Variants in CIT observed in about 807,000 individuals in gnomAD.
The protein encoded by CIT is citron Rho-interacting kinase.
A neutral mutation model predicts 272.7 loss-of-function variants in CIT; 79 were observed. That is an observed-to-expected ratio of 0.29 (90% CI 0.24 to 0.35). The LOEUF is 0.35. Among genes scored for constraint, CIT ranks in the 10% least tolerant of loss-of-function variants. The pLI is 1.00. For missense variants in CIT, 1,909 were observed against 2,618.3 expected (o/e 0.73, Z 5.91); for synonymous variants, 948 against 995.6 (o/e 0.95, Z 0.90).
intron 12 of CIT, 136 bp from the exon 13 acceptor site, chr12:119,782,773 G>A: frequency 9.3e-7 from 1 of 1,070,246 alleles, no homozygotes. Context: ...ACAACTTCCA[G>A]TTGGTTGCCG....
At chr12:119,838,676 A>G (rs1969194439) in intron 5 of CIT, among the ~76,000 whole-genome samples, 1 of 152,228 alleles carries the variant, frequency 6.6e-6, no homozygotes, top group African/African-American at 2.4e-5. Context: ...ACTTTCATAT[A>G]GCCATCACCT....
intron 9 of CIT, among the ~76,000 whole-genome samples, chr12:119,806,566 A>G (rs570124401): frequency 6.6e-6 from 1 of 152,290 alleles, no homozygotes; most frequent in Non-Finnish European, 1.5e-5. Context: ...GCAAGTGGAG[A>G]ACAACTTGTA....
rs549022136 is a variant in CIT at position 119,692,908 on chromosome 12, A to C, written c.5883-2454T>G. 2.0e-5 allele frequency among the ~76,000 whole-genome samples: 3 copies of C among 152,360 alleles called. No individual in the cohort carries two copies. In the East Asian group the frequency reaches 5.8e-4, roughly 29 times the overall value. On this transcript the variant is annotated intron_variant, in intron 46 of 47. Transcript: ENST00000392521. ...GATTTAAGATAACTCAGATTTCAACATCTTGAAATCAAGGTTTATATTCAT... is the reference window on the plus strand; with the variant it reads ...GATTTAAGATAACTCAGATTTCAACCTCTTGAAATCAAGGTTTATATTCAT...
At chr12:119,853,391 G>C (rs1041047292) in intron 4 of CIT, among the ~76,000 whole-genome samples, 1 of 151,242 alleles carries the variant, frequency 6.6e-6, no homozygotes, top group Non-Finnish European at 1.5e-5. Flanking sequence ...AAATTGTTTA[G>C]GTTATTGTTA....
intron 25 of CIT, 68 bp from the exon 26 acceptor site, chr12:119,734,425 G>T: frequency 1.3e-6 from 2 of 1,535,992 alleles, no homozygotes; most frequent in South Asian, 1.1e-5. Flanking sequence ...TACTTTGGTC[G>T]GGTCAGTTTC....
chr12:119,745,374 C>CAAAAAAAAAAAAAAAAAAAAAAAAGAA (rs757825062), intron 23 of CIT, among the ~76,000 whole-genome samples: 1 of 7,012 alleles, frequency 1.4e-4, no homozygotes, highest in Non-Finnish European at 2.9e-4. Flanking sequence ...AAGAAACAAG[C>CAAAAAAAAAAAAAAAAAAAAAAAAGAA]AAAAAAAAAA....
chr12:119,794,474 A>C (rs978157301), intron 10 of CIT, among the ~76,000 whole-genome samples: 1 of 152,210 alleles, frequency 6.6e-6, no homozygotes, highest in Non-Finnish European at 1.5e-5. Flanking sequence ...GGAATGGCAC[A>C]ATGACACACA....
At chr12:119,756,253 G>T (rs1411644912) in intron 22 of CIT, among the ~76,000 whole-genome samples, 4 of 152,172 alleles carry the variant, frequency 2.6e-5, no homozygotes, top group Non-Finnish European at 5.9e-5. Flanking sequence ...CAAAGAATTG[G>T]ACAAAACGCA....
intron 5 of CIT, among the ~76,000 whole-genome samples, chr12:119,844,812 A>G (rs1318849169): frequency 6.6e-6 from 1 of 152,110 alleles, no homozygotes; most frequent in Non-Finnish European, 1.5e-5. Context: ...AGAACTCCAA[A>G]AAACAGCTGC....
At chr12:119,803,761 G>A (rs1221988287) in intron 9 of CIT, among the ~76,000 whole-genome samples, 1 of 152,152 alleles carries the variant, frequency 6.6e-6, no homozygotes, top group South Asian at 2.1e-4. Context: ...GTGCCAGGAT[G>A]CTAGGAGACC....
In CIT at chr12:119,712,468, G is replaced by T. The variant is rs1215958550; in HGVS notation, c.4685-121C>A. The T allele has an allele frequency of 2.1e-6, 3 of 1,397,178 alleles. No individual in the cohort carries two copies. Among genetic ancestry groups the T allele is most frequent in the African/African-American group, 1.4e-5 (1 of 70,054 alleles). The allele number at this position is 1,397,178 out of a possible 1,614,324, so 86.5% of individuals were successfully genotyped here. A position where few individuals can be genotyped will look rare whatever the true frequency, so the allele number is the denominator to read the frequency against. On this transcript the variant is annotated intron_variant, in intron 36 of 47. Coordinates refer to ENST00000392521, the MANE Select transcript of CIT (RefSeq NM_001206999.2). This position sits in a 1 kb window ranked among gnomAD's most constrained non-coding sequence, Gnocchi z 5.2. ...CGCAAATCCCAGTTACCGCCAAGGC[G>T]GGGAGCGGAGGAAGATGGGCCTCCT...
chr12:119,706,359 T>C (rs953758601), intron 40 of CIT, among the ~76,000 whole-genome samples: 1 of 151,778 alleles, frequency 6.6e-6, no homozygotes, highest in Non-Finnish European at 1.5e-5. Context: ...GTCATGGGGG[T>C]TTGTTGTACA....
intron 28 of CIT, among the ~76,000 whole-genome samples, chr12:119,723,225 A>G (rs2137156154): frequency 6.6e-6 from 1 of 152,232 alleles, no homozygotes; most frequent in African/African-American, 2.4e-5. Context: ...TACCCTCTTT[A>G]GTTTCTTCCC....
chr12:119,861,693 C>T (rs12321591), intron 3 of CIT, among the ~76,000 whole-genome samples: 3,004 of 152,270 alleles, frequency 0.02, 94 homozygotes, highest in African/African-American at 0.068. Context: ...GGGTGTATTG[C>T]TTCCTTTTTT....
At chr12:119,865,864 CAAA>C (rs11366591) in intron 3 of CIT, among the ~76,000 whole-genome samples, 33 of 91,398 alleles carry the variant, frequency 3.6e-4, no homozygotes, top group African/African-American at 6.9e-4. Context: ...AGCAAGACTC[CAAA>C]AAAAAAAAAA....
At chr12:119,705,326 C>T (rs992333034) in intron 40 of CIT, among the ~76,000 whole-genome samples, 1 of 152,162 alleles carries the variant, frequency 6.6e-6, no homozygotes, top group South Asian at 2.1e-4. Context: ...ACCCTTTTAA[C>T]GTCTCCTGCT....
chr12:119,822,127 T>C lies in CIT; in HGVS notation c.1111+693A>G, dbSNP rs1460879115. Among the ~76,000 whole-genome samples the C allele has an allele frequency of 2.6e-5, 4 of 152,188 alleles. No individual in the cohort carries two copies. In the East Asian group the frequency reaches 7.7e-4, roughly 29 times the overall value. On this transcript the variant is annotated intron_variant, in intron 9 of 47. Transcript: ENST00000392521. ...TCCTACTGGCTCTAATCCGTGCTGA[T>C]CATTCAGTAGAACACATTCAATCAA...
chr12:119,842,258 G>C (rs1969456489), intron 5 of CIT, among the ~76,000 whole-genome samples: 1 of 151,818 alleles, frequency 6.6e-6, no homozygotes, highest in East Asian at 1.9e-4. Context: ...GCATGGTGGT[G>C]TGCGCCTGTA....
At chr12:119,816,690 T>C (rs1279297649) in intron 9 of CIT, among the ~76,000 whole-genome samples, 1 of 152,196 alleles carries the variant, frequency 6.6e-6, no homozygotes, top group Admixed American at 6.5e-5. Context: ...CTCCACGTAA[T>C]AGTTTTGCTG....
Sources: allele counts gnomAD v4.1 joint callset (sites outside exome capture counted in the v4.1 genomes callset), GRCh38; gene constraint gnomAD v4.1.1; non-coding constraint Gnocchi (gnomAD v3.1); transcripts MANE v1.5; gene names NCBI Gene and HGNC (gene_info 2026-07-23, HGNC 2026-07-21).